LRRC7: variants seen among roughly 807,000 people sequenced by gnomAD.
LRRC7 encodes the protein leucine rich repeat containing 7, also known as leucine-rich repeat-containing protein 7.
LRRC7 carries 23 observed loss-of-function variants against 175.7 expected under a neutral mutation model. That is an observed-to-expected ratio of 0.13 (90% CI 0.09 to 0.19). The LOEUF (loss-of-function observed/expected upper bound fraction) is 0.19. Among genes scored for constraint, LRRC7 ranks in the 10% least tolerant of loss-of-function variants. The probability of loss-of-function intolerance (pLI) is 1.00; values close to 1 mark genes in which losing one functional copy is unlikely to be tolerated. For synonymous variants in LRRC7, 685 were observed against 680.9 expected, an observed-to-expected ratio of 1.01 and a Z score of -0.09; for missense variants, 1,354 against 1,904.7, an observed-to-expected ratio of 0.71 and a Z score of 5.38.
In LRRC7 at chr1:70,123,906, A is replaced by G. The variant is rs956188907; in HGVS notation, c.*2019A>G. 6.6e-6 allele frequency among the ~76,000 whole-genome samples: 1 copy of G among 152,160 alleles called. No homozygotes were observed. The highest frequency in any genetic ancestry group is 2.4e-5 in the African/African-American group (1 of 41,444). On this transcript the variant is annotated 3_prime_UTR_variant, in exon 27 of 27. Transcript: ENST00000651989. ...GAAATCATCCCATCAGTTTTTCTTA[A>G]TCTTTTATGGGAGAAGTGGGAGAAG...
intron 21 of LRRC7, among the ~76,000 whole-genome samples, chr1:70,042,165 C>CT (rs1415907007): frequency 1.3e-5 from 2 of 152,160 alleles, no homozygotes; most frequent in Non-Finnish European, 2.9e-5. Flanking sequence ...AGTCACATTT[C>CT]TTTCTGTCTT....
rs982749956 is a variant in LRRC7, at chr1:70,143,913, T to G, written c.*22026T>G. ...AAGTACTTTTTAGTTGAACTACATA[T>G]TGATGTAAATAAAACTGAATGAAGA... is the stretch of plus-strand genomic sequence containing the variant. On this transcript the variant is annotated 3_prime_UTR_variant, in exon 27 of 27. Coordinates refer to ENST00000651989, the MANE Select transcript of LRRC7 (RefSeq NM_001370785.2). 1 of 152,184 alleles carries G rather than the reference T, an allele frequency of 6.6e-6. No individual in the cohort carries two copies. The highest frequency in any genetic ancestry group is 1.5e-5 in the Non-Finnish European group (1 of 68,024). 9.4% of individuals were successfully genotyped at this position (152,184 alleles called of 1,614,324 possible). A position where few individuals can be genotyped will look rare whatever the true frequency, so the allele number is the denominator to read the frequency against.
At chr1:69,575,901 G>A (rs1645925955) in intron 1 of LRRC7, among the ~76,000 whole-genome samples, 1 of 152,066 alleles carries the variant, frequency 6.6e-6, no homozygotes, top group African/African-American at 2.4e-5. Flanking sequence ...ATACAATACA[G>A]TTGGAATTTG....
At chr1:69,597,466 G>A (rs1370597594) in intron 1 of LRRC7, among the ~76,000 whole-genome samples, 4 of 152,002 alleles carry the variant, frequency 2.6e-5, no homozygotes, top group African/African-American at 4.8e-5. Flanking sequence ...TATTACATAC[G>A]GTTTTCCCAC....
At position 69,868,878 on chromosome 1, in the gene LRRC7, T is replaced by A. The variant is rs1186090122; in HGVS notation, c.647+30595T>A. ...TGTCTTTACATGATTTCTCTCTCTA[T>A]CTATCTATCTATCTATATATGTATG... On this transcript the variant is annotated intron_variant, in intron 7 of 26. Coordinates refer to ENST00000651989, the MANE Select transcript of LRRC7 (RefSeq NM_001370785.2). Among the ~76,000 whole-genome samples, 3 of 149,438 alleles carry A rather than the reference T, an allele frequency of 2.0e-5. No homozygotes were observed. The Admixed American group carries it at 2.0e-4, about 10-fold the overall frequency.
chr1:69,682,448 C>G (rs1017300739), intron 2 of LRRC7, among the ~76,000 whole-genome samples: 1 of 152,114 alleles, frequency 6.6e-6, no homozygotes, highest in Non-Finnish European at 1.5e-5. Flanking sequence ...GCTAATCCAT[C>G]AAGCATTGTT....
rs1198046235 is a variant in LRRC7, at chr1:70,039,782, C to T, written c.3958C>T (p.Arg1320Trp). ...GCTGCTTAGACATATAGAAGCTAGA[C>T]GGTTAGACAGGGTATGTCTGGTGTT... ...QQLLRHIEAR[R>W]LDRNAAYKHN... The change falls in exon 21 of 27, where the codon CGG becomes TGG. Residue 1320 changes from arginine (R) to tryptophan (W), a missense_variant. Arg to Trp is a moderately radical substitution (Grantham distance 101). This residue lies in a region of LRRC7 where 1,032 missense variants were observed against 1,227.2 expected (regional missense o/e 0.84). Coordinates refer to ENST00000651989, the MANE Select transcript of LRRC7 (RefSeq NM_001370785.2). 4.4e-6 allele frequency: 7 copies of T among 1,593,350 alleles called. No individual in the cohort carries two copies. The highest frequency in any genetic ancestry group is 4.5e-5 in the East Asian group (2 of 44,794).
chr1:69,569,060 G>A (rs1021946634), intron 1 of LRRC7, among the ~76,000 whole-genome samples: 1 of 118,090 alleles, frequency 8.5e-6, no homozygotes, highest in Non-Finnish European at 1.8e-5. Context: ...GCGCGTGTTT[G>A]ATCGTGACAC....
chr1:69,642,862 C>T (rs536010895), intron 1 of LRRC7, among the ~76,000 whole-genome samples: 10 of 106,332 alleles, frequency 9.4e-5, no homozygotes, highest in Non-Finnish European at 1.4e-4. Flanking sequence ...ATAGATTATA[C>T]GATTGATTGG....
intron 7 of LRRC7, among the ~76,000 whole-genome samples, chr1:69,910,844 C>A (rs1168522989): frequency 6.6e-6 from 1 of 152,216 alleles, no homozygotes; most frequent in Admixed American, 6.5e-5. Context: ...CTGTGGTGGG[C>A]TCCACCCAGT....
At chr1:70,086,347 T>C (rs1216256563) in intron 24 of LRRC7, among the ~76,000 whole-genome samples, 1 of 152,126 alleles carries the variant, frequency 6.6e-6, no homozygotes, top group Non-Finnish European at 1.5e-5. Flanking sequence ...CCCAGTATTG[T>C]AATTAGAGTA....
intron 7 of LRRC7, among the ~76,000 whole-genome samples, chr1:69,851,217 G>A (rs987076735): frequency 2.0e-5 from 3 of 152,138 alleles, no homozygotes; most frequent in Non-Finnish European, 4.4e-5. Flanking sequence ...TATTTTAGTA[G>A]CGCATTATGT....
intron 3 of LRRC7, among the ~76,000 whole-genome samples, chr1:69,771,011 C>A (rs1672181044): frequency 6.6e-6 from 1 of 152,164 alleles, no homozygotes; most frequent in African/African-American, 2.4e-5. Context: ...TTTTGTCCCC[C>A]AGCGCCAAAT....
chr1:69,678,237 C>G (rs989538311), intron 1 of LRRC7, 144 bp from the exon 2 acceptor site: 9 of 600,342 alleles, frequency 1.5e-5, no homozygotes, highest in Admixed American at 2.8e-5. Flanking sequence ...CCCCGATGCT[C>G]CCTGCCAGCT....
intron 1 of LRRC7, among the ~76,000 whole-genome samples, chr1:69,637,660 CT>C (rs1349360549): frequency 6.6e-6 from 1 of 151,874 alleles, no homozygotes; most frequent in East Asian, 1.9e-4. Flanking sequence ...CTTTTCCTTT[CT>C]TTTCTTTCAT....
At chr1:69,651,341 C>G (rs1655798805) in intron 1 of LRRC7, among the ~76,000 whole-genome samples, 1 of 152,120 alleles carries the variant, frequency 6.6e-6, no homozygotes, top group Non-Finnish European at 1.5e-5. Context: ...ATAACTTTCT[C>G]TATAGTTGAG....
At chr1:69,956,083 G>T (rs1650457811) in intron 8 of LRRC7, among the ~76,000 whole-genome samples, 1 of 151,944 alleles carries the variant, frequency 6.6e-6, no homozygotes, top group African/African-American at 2.4e-5. Flanking sequence ...GTTGTGGAAT[G>T]TGGAAACAAT....
chr1:70,061,854 C>G (rs1008600282), intron 23 of LRRC7, among the ~76,000 whole-genome samples: 1 of 152,088 alleles, frequency 6.6e-6, no homozygotes, highest in Admixed American at 6.6e-5. Context: ...ATTTGTGTGA[C>G]TAATAAGTAC....
chr1:69,931,697 C>A, intron 8 of LRRC7, 127 bp downstream of exon 8: 2 of 756,996 alleles, frequency 2.6e-6, no homozygotes, highest in Non-Finnish European at 4.3e-6. Flanking sequence ...AAGTAAAAAC[C>A]TGGAAGTTAA....
Sources: allele counts gnomAD v4.1 joint callset (sites outside exome capture counted in the v4.1 genomes callset), GRCh38; gene constraint gnomAD v4.1.1; regional missense constraint gnomAD v4.1.1; transcripts MANE v1.5; gene names NCBI Gene and HGNC (gene_info 2026-07-23, HGNC 2026-07-21).